The following EPB41 variants were observed in gnomAD, a reference collection of about 807,000 sequenced individuals.
The protein encoded by EPB41 is protein 4.1.
EPB41 carries 65 observed loss-of-function variants against 108.0 expected under a neutral mutation model. The ratio of observed to expected loss-of-function variants is 0.60; its 90% CI spans 0.49 to 0.74. The LOEUF is 0.74. Ranked by LOEUF, EPB41 falls within the 30% of genes least tolerant of loss-of-function variation. The pLI is 0.00. For synonymous variants in EPB41, 336 were observed against 358.9 expected, an observed-to-expected ratio of 0.94 and a Z score of 0.72; for missense variants, 875 against 1,037.0, an observed-to-expected ratio of 0.84 and a Z score of 2.15.
intron 1 of EPB41, among the ~76,000 whole-genome samples, chr1:28,923,041 T>G (rs1272282816): frequency 6.6e-6 from 1 of 151,966 alleles, no homozygotes; most frequent in Non-Finnish European, 1.5e-5. Context: ...ATGCACTGTT[T>G]GATTCTGATA....
chr1:28,918,318 C>T (rs1303290886), intron 1 of EPB41, among the ~76,000 whole-genome samples: 1 of 152,098 alleles, frequency 6.6e-6, no homozygotes, highest in East Asian at 1.9e-4. Flanking sequence ...TCCCAAAGTG[C>T]TGGGATTACA....
chr1:29,098,437 C>T (rs1026169181), intron 17 of EPB41, among the ~76,000 whole-genome samples: 4 of 152,138 alleles, frequency 2.6e-5, no homozygotes, highest in South Asian at 2.1e-4. Context: ...CCTCGTGATC[C>T]GCCTGTCTTG....
chr1:28,968,034 T>A (rs1411954261), intron 1 of EPB41, among the ~76,000 whole-genome samples: 1 of 152,040 alleles, frequency 6.6e-6, no homozygotes, highest in Non-Finnish European at 1.5e-5. Context: ...CCATTATTTT[T>A]GTAGATATTC....
chr1:28,921,938 T>TTATCTATATA (rs2093105308), intron 1 of EPB41, among the ~76,000 whole-genome samples: 1 of 102,632 alleles, frequency 9.7e-6, no homozygotes, highest in Non-Finnish European at 1.7e-5. Flanking sequence ...TTATGAAATT[T>TTATCTATATA]TATATATATA....
At chr1:28,934,371 AT>A (rs1016171514) in intron 1 of EPB41, among the ~76,000 whole-genome samples, 6 of 152,142 alleles carry the variant, frequency 3.9e-5, no homozygotes, top group African/African-American at 1.4e-4. Flanking sequence ...CCCCTTTTCC[AT>A]ACTGTACTCT....
chr1:29,040,724 C>T (rs2486201), intron 11 of EPB41, among the ~76,000 whole-genome samples: 119,282 of 152,182 alleles, frequency 0.78, 47,232 homozygotes, highest in East Asian at 0.92. Flanking sequence ...TGACAGAAGA[C>T]CTGTCTGAAT....
At position 28,933,112 on chromosome 1, in the gene EPB41, C is replaced by T. The variant is rs116076201; in HGVS notation, c.-8+18344C>T. Reference sequence around the variant, plus strand: ...TGTCTTTATGTATTTTTTTCTTTAACATTTGAGCTTGAATCAATAAAGGGC... The same window carrying T: ...TGTCTTTATGTATTTTTTTCTTTAATATTTGAGCTTGAATCAATAAAGGGC... On this transcript the variant is annotated intron_variant, in intron 1 of 20. Coordinates refer to ENST00000343067, the MANE Select transcript of EPB41 (RefSeq NM_001376013.1). Among the ~76,000 whole-genome samples the T allele has an allele frequency of 7.2e-3, 1,094 of 151,994 alleles. 13 individuals carry two copies. Among genetic ancestry groups the T allele is most frequent in the African/African-American group, 0.026 (1,062 of 41,450 alleles).
chr1:29,058,497 C>A, intron 12 of EPB41, 92 bp from the exon 13 acceptor site: 2 of 1,154,696 alleles, frequency 1.7e-6, no homozygotes, highest in Non-Finnish European at 2.6e-6. Context: ...ATTTCACAAC[C>A]AGCTTAAAGA....
At chr1:28,929,739 C>G (rs1178547684) in intron 1 of EPB41, among the ~76,000 whole-genome samples, 1 of 147,676 alleles carries the variant, frequency 6.8e-6, no homozygotes, top group Non-Finnish European at 1.5e-5. Flanking sequence ...CCATGTTGGT[C>G]AGGCGGCTAG....
chr1:29,045,490 A>G (rs1416813922), intron 11 of EPB41, among the ~76,000 whole-genome samples: 1 of 150,058 alleles, frequency 6.7e-6, no homozygotes, highest in Non-Finnish European at 1.5e-5. Flanking sequence ...AGTAGCTAGG[A>G]CTACAGGTGC....
intron 3 of EPB41, among the ~76,000 whole-genome samples, chr1:28,994,271 A>G (rs953047949): frequency 6.6e-6 from 1 of 151,900 alleles, no homozygotes; most frequent in Non-Finnish European, 1.5e-5. Flanking sequence ...TCCTGGGTTC[A>G]CGCCATTCTC....
chr1:28,967,810 C>CTTTTTTTTT (rs1278947795), intron 1 of EPB41, among the ~76,000 whole-genome samples: 1 of 121,172 alleles, frequency 8.3e-6, no homozygotes, highest in African/African-American at 3.1e-5. Context: ...TGGGCCTTGT[C>CTTTTTTTTT]TTTTTTTTTT....
chr1:28,998,411 A>T (rs1358853133), intron 4 of EPB41, among the ~76,000 whole-genome samples: 1 of 152,192 alleles, frequency 6.6e-6, no homozygotes, highest in Non-Finnish European at 1.5e-5. Flanking sequence ...TCGTGGAGAG[A>T]GTCTTGTAGA....
intron 1 of EPB41, among the ~76,000 whole-genome samples, chr1:28,981,680 A>G (rs1280012550): frequency 6.6e-6 from 1 of 152,148 alleles, no homozygotes; most frequent in East Asian, 1.9e-4. Flanking sequence ...AATTGTGTCA[A>G]GACTTTTAGA....
chr1:28,943,584 G>T (rs2094382024), intron 1 of EPB41, among the ~76,000 whole-genome samples: 1 of 152,098 alleles, frequency 6.6e-6, no homozygotes, highest in Admixed American at 6.5e-5. Context: ...GGGAGGCGGA[G>T]GCTGCAGTGA....
intron 16 of EPB41, among the ~76,000 whole-genome samples, chr1:29,067,428 G>T (rs1461403268): frequency 1.3e-5 from 2 of 148,192 alleles, no homozygotes; most frequent in African/African-American, 5.0e-5. Context: ...CCTGGGAGGC[G>T]GAGCTTGCAG....
chr1:28,912,685 C>T (rs943983078), upstream of EPB41, among the ~76,000 whole-genome samples: 1 of 151,598 alleles, frequency 6.6e-6, no homozygotes, highest in African/African-American at 2.4e-5. Context: ...GGCATGATCT[C>T]GGCTCTCTGC....
At chr1:28,899,576 A>G (rs961859308) in intron 1 of EPB41, among the ~76,000 whole-genome samples, 4 of 152,186 alleles carry the variant, frequency 2.6e-5, no homozygotes, top group Non-Finnish European at 5.9e-5. Flanking sequence ...CTGGGGGGAA[A>G]GTGATGGACT....
chr1:29,100,935 A>C (rs1665124034), intron 17 of EPB41, among the ~76,000 whole-genome samples: 1 of 151,362 alleles, frequency 6.6e-6, no homozygotes, highest in African/African-American at 2.4e-5. Flanking sequence ...TCTCAAAAAA[A>C]AAAAGAGGGC....
Sources: allele counts gnomAD v4.1 joint callset (sites outside exome capture counted in the v4.1 genomes callset), GRCh38; gene constraint gnomAD v4.1.1; transcripts MANE v1.5; gene names NCBI Gene and HGNC (gene_info 2026-07-23, HGNC 2026-07-21).